NAV3: variants seen among roughly 807,000 people sequenced by gnomAD.
The protein encoded by NAV3 is neuron navigator 3.
Under a neutral mutation model 244.7 loss-of-function variants are expected in NAV3, and 87 were observed. That is an observed-to-expected ratio of 0.36 (90% CI 0.30 to 0.42). The LOEUF (loss-of-function observed/expected upper bound fraction) is 0.42. Among genes scored for constraint, NAV3 ranks in the 20% least tolerant of loss-of-function variants. NAV3 has a pLI of 1.00. For missense variants in NAV3, 2,663 were observed against 2,893.3 expected (o/e 0.92, Z 1.83); for synonymous variants, 1,126 against 1,042.2 (o/e 1.08, Z -1.55).
chr12:78,073,908 A>T (rs1260503105), intron 12 of NAV3, among the ~76,000 whole-genome samples: 4 of 152,202 alleles, frequency 2.6e-5, no homozygotes, highest in Non-Finnish European at 5.9e-5. Context: ...AAATTTGTGG[A>T]ATATGTTGGT....
chr12:78,141,369 G>GTTAA (rs1012480278), intron 20 of NAV3, among the ~76,000 whole-genome samples: 1 of 152,128 alleles, frequency 6.6e-6, no homozygotes, highest in African/African-American at 2.4e-5. Flanking sequence ...TTAGAGCTAG[G>GTTAA]TTAACAGTGA....
intron 2 of NAV3, among the ~76,000 whole-genome samples, chr12:77,706,891 A>C (rs1458165149): frequency 7.0e-6 from 1 of 141,948 alleles, no homozygotes; most frequent in Non-Finnish European, 1.5e-5. Flanking sequence ...AAAAAAAAAA[A>C]AACCAAAAAA....
chr12:78,045,142 G>A (rs934198917), intron 9 of NAV3, among the ~76,000 whole-genome samples: 4 of 152,088 alleles, frequency 2.6e-5, no homozygotes, highest in Non-Finnish European at 1.5e-5. Context: ...GCATGAAGGG[G>A]TGTTGAATTT....
rs143158590 is a variant in NAV3 at position 78,125,119 on chromosome 12, T to C, written c.4239-2048T>C. Among the ~76,000 whole-genome samples the C allele has an allele frequency of 4.5e-4, 69 of 152,340 alleles. 2 individuals are homozygous for C. Among genetic ancestry groups the C allele is most frequent in the African/African-American group, 1.4e-3 (60 of 41,596 alleles). ...AGAGAAAAGTAGATCTAGTGGGTGA[T>C]ACTGGCTTCATTATGGTTAATTAAT... On this transcript the variant is annotated intron_variant, in intron 16 of 39. Coordinates refer to ENST00000397909, the MANE Select transcript of NAV3 (RefSeq NM_001024383.2).
At chr12:77,619,675 G>A (rs541491580) in intron 2 of NAV3, among the ~76,000 whole-genome samples, 4 of 152,226 alleles carry the variant, frequency 2.6e-5, no homozygotes, top group Admixed American at 2.6e-4. Context: ...TGCTATCACA[G>A]GGGACACGTG....
At chr12:77,954,472 G>A (rs1001232246) in intron 3 of NAV3, among the ~76,000 whole-genome samples, 5 of 152,276 alleles carry the variant, frequency 3.3e-5, no homozygotes, top group East Asian at 1.9e-4. Context: ...AATTGTGTAA[G>A]CTTATATAAA....
chr12:78,207,750 T>G (rs1960473376), intron 39 of NAV3, among the ~76,000 whole-genome samples: 1 of 152,216 alleles, frequency 6.6e-6, no homozygotes, highest in Non-Finnish European at 1.5e-5. Context: ...TAGATCATGC[T>G]AAGCCTTGTT....
At chr12:78,137,071 A>G in intron 18 of NAV3, 106 bp from the exon 19 acceptor site, 1 of 1,048,556 alleles carries the variant, frequency 9.5e-7, no homozygotes, top group Non-Finnish European at 1.4e-6. Context: ...CTCACTATAC[A>G]TTCATGTTTT....
At chr12:77,997,875 A>G (rs1289501820) in intron 6 of NAV3, among the ~76,000 whole-genome samples, 2 of 152,208 alleles carry the variant, frequency 1.3e-5, no homozygotes, top group Non-Finnish European at 2.9e-5. Flanking sequence ...CTTTCTTGTG[A>G]TTAATATCCA....
At chr12:77,686,911 T>TA (rs1565772054) in intron 2 of NAV3, among the ~76,000 whole-genome samples, 3 of 152,114 alleles carry the variant, frequency 2.0e-5, no homozygotes, top group Non-Finnish European at 2.9e-5. Flanking sequence ...AAGAATTTTT[T>TA]AAAAAAACAA....
At chr12:77,931,867 AAATAAT>A (rs1019090967) in intron 1 of NAV3, among the ~76,000 whole-genome samples, 1 of 151,250 alleles carries the variant, frequency 6.6e-6, no homozygotes, top group East Asian at 2.0e-4. Context: ...ACTCCATCTC[AAATAAT>A]AATAATAATC....
At chr12:77,988,328 C>A (rs886130934) in intron 5 of NAV3, among the ~76,000 whole-genome samples, 2 of 152,100 alleles carry the variant, frequency 1.3e-5, no homozygotes, top group Non-Finnish European at 2.9e-5. Flanking sequence ...ACAGATTCGG[C>A]CCTGTTTACC....
chr12:77,899,857 C>T (rs1374912915), intron 1 of NAV3, among the ~76,000 whole-genome samples: 1 of 151,962 alleles, frequency 6.6e-6, no homozygotes, highest in Non-Finnish European at 1.5e-5. Context: ...TTCTTTTTTC[C>T]TTAATGCGCT....
At chr12:77,606,188 C>T (rs1870664239) in intron 2 of NAV3, among the ~76,000 whole-genome samples, 1 of 152,104 alleles carries the variant, frequency 6.6e-6, no homozygotes, top group Non-Finnish European at 1.5e-5. Flanking sequence ...CAAGAAATGA[C>T]AATTCTTGTT....
intron 2 of NAV3, among the ~76,000 whole-genome samples, chr12:77,791,738 G>A (rs1871185573): frequency 6.6e-6 from 1 of 152,074 alleles, no homozygotes; most frequent in Non-Finnish European, 1.5e-5. Flanking sequence ...AACAATCATG[G>A]ATAAAAATAT....
chr12:78,054,003 A>G (rs1403202189), intron 11 of NAV3, among the ~76,000 whole-genome samples: 1 of 152,194 alleles, frequency 6.6e-6, no homozygotes, highest in Non-Finnish European at 1.5e-5. Flanking sequence ...AGCAGTTTGA[A>G]TAAGAAATCA....
chr12:77,795,101 C>CCAAGA (rs1164022101), intron 2 of NAV3, among the ~76,000 whole-genome samples: 1 of 152,188 alleles, frequency 6.6e-6, no homozygotes, highest in Non-Finnish European at 1.5e-5. Context: ...AGACTGAAAG[C>CCAAGA]TAGGCTTAAT....
intron 3 of NAV3, among the ~76,000 whole-genome samples, chr12:77,951,957 C>A (rs1273612838): frequency 1.3e-5 from 2 of 151,626 alleles, no homozygotes; most frequent in African/African-American, 4.9e-5. Flanking sequence ...TCAGGAGATA[C>A]ACCTCATGTA....
chr12:77,924,078 G>A (rs559024679), intron 1 of NAV3, among the ~76,000 whole-genome samples: 33 of 152,074 alleles, frequency 2.2e-4, no homozygotes, highest in Non-Finnish European at 4.1e-4. Context: ...GAATTTCAAT[G>A]GCTCTGTACA....
Sources: gnomAD v4.1 joint callset for allele counts (sites outside exome capture counted in the v4.1 genomes callset) on GRCh38, gnomAD v4.1.1 for gene constraint, MANE v1.5 for transcripts, NCBI Gene and HGNC (gene_info 2026-07-23, HGNC 2026-07-21) for gene names.